Variants in PCDH12 observed in about 807,000 individuals in gnomAD.
PCDH12 encodes the protein protocadherin-12.
PCDH12 carries 45 observed loss-of-function variants against 70.9 expected under a neutral mutation model. The observed-to-expected ratio is 0.63, with a 90% CI of 0.50 to 0.81. The LOEUF (loss-of-function observed/expected upper bound fraction) is 0.81. Among genes scored for constraint, PCDH12 ranks in the 40% least tolerant of loss-of-function variants. The pLI, the probability that PCDH12 is intolerant of heterozygous loss-of-function variation, is 0.00. For synonymous variants in PCDH12, 567 were observed against 626.0 expected (o/e 0.91, Z 1.41); for missense variants, 1,370 against 1,491.7 (o/e 0.92, Z 1.34).
rs756692974 is a variant in PCDH12, at chr5:141,955,743, C to T, written c.2109G>A (p.Arg703=). Residue 703 remains arginine, a synonymous_variant, in exon 1 of 4, where the codon AGG becomes AGA. Transcript: ENST00000231484. The surrounding 1 kb of genome is among the most constrained non-coding windows in gnomAD (Gnocchi z 5.5). ...VMFVTSVDHL[R]DSARKPGALS... is the part of the protein sequence containing the mutation. ...AGGCCCCAGGCTTGCGGGCTGAGTC[C>T]CTCAGGTGGTCCACACTGGTGACAA... is the stretch of plus-strand genomic sequence containing the variant. The T allele has an allele frequency of 4.3e-6, 7 of 1,614,086 alleles. No individual in the cohort carries two copies. The highest frequency in any genetic ancestry group is 1.1e-5 in the South Asian group (1 of 91,054).
rs370982872 is a variant in PCDH12 at position 141,957,189 on chromosome 5, G to T, written c.663C>A (p.Asn221Lys). 6.2e-7 allele frequency: 1 copy of T among 1,614,160 alleles called. No homozygotes were observed. Among genetic ancestry groups the T allele is most frequent in the East Asian group, 2.2e-5 (1 of 44,874 alleles). The change falls in exon 1 of 4, where the codon AAC becomes AAA. Residue 221 changes from asparagine to lysine, a missense_variant. Asn to Lys is a moderately conservative substitution (Grantham distance 94). Coordinates refer to ENST00000231484, the MANE Select transcript of PCDH12 (RefSeq NM_016580.4). This position sits in a 1 kb window ranked among gnomAD's most constrained non-coding sequence, Gnocchi z 4.3. ...CCAAGCTGGTACCTGACTTGGGGGG[G>T]TTCCCATTGTCATAGGCAGTTAACA... ...DLVLTAYDNG[N>K]PPKSGTSLVK... is the part of the protein sequence containing the mutation.
rs1053311294 is a variant in PCDH12 at position 141,945,142 on chromosome 5, A to C, written c.*239T>G. The C allele has an allele frequency of 7.1e-6, 4 of 567,076 alleles. No individual in the cohort carries two copies. The Admixed American group carries it at 9.8e-5, about 14-fold the overall frequency. 35.1% of individuals were successfully genotyped at this position (567,076 alleles called of 1,614,324 possible). On this transcript the variant is annotated 3_prime_UTR_variant, in exon 4 of 4. Transcript: ENST00000231484. ...CTCCACATATGTTTTGCCAGGAAAC[A>C]CTTATCTCAGCCACAAACCGTCCCT...
chr5:141,951,645 CT>C, intron 1 of PCDH12, 55 bp from the exon 2 acceptor site: 1 of 1,274,052 alleles, frequency 7.8e-7, no homozygotes, highest in Non-Finnish European at 1.1e-6. Flanking sequence ...AGCACACTTC[CT>C]CGCCGGATGT....
chr5:141,956,581 G>T lies in PCDH12; in HGVS notation c.1271C>A (p.Pro424His), dbSNP rs944750921. 1.3e-5 allele frequency: 21 copies of T among 1,614,014 alleles called. No individual in the cohort carries two copies. Among genetic ancestry groups the T allele is most frequent in the Non-Finnish European group, 1.4e-5 (17 of 1,180,030 alleles). The part of the protein sequence containing the change: ...TNATLDREQW[P>H]KYTLTLLAQD... ...GGCTAACAGAGTGAGGGTATATTTG[G>T]GCCACTGCTCTCTGTCCAGTGTGGC... Residue 424 changes from proline to histidine, a missense_variant, in exon 1 of 4, where the codon CCC becomes CAC. Pro to His is a moderately conservative substitution (Grantham distance 77, BLOSUM62 -2). Coordinates refer to ENST00000231484, the MANE Select transcript of PCDH12 (RefSeq NM_016580.4).
Position 141,957,681 on chromosome 5 carries a change from C to A in PCDH12, c.171G>T (p.Glu57Asp). 6.2e-7 allele frequency: 1 copy of A among 1,614,214 alleles called. No individual in the cohort carries two copies. The highest frequency in any genetic ancestry group is 8.5e-7 in the Non-Finnish European group (1 of 1,180,036). The change falls in exon 1 of 4, where the codon GAG (glutamate) becomes GAT (aspartate). Residue 57 changes from glutamate (E) to aspartate (D), a missense_variant. Glu to Asp is a conservative substitution (Grantham distance 45). Coordinates refer to ENST00000231484, the MANE Select transcript of PCDH12 (RefSeq NM_016580.4). The surrounding 1 kb of genome is among the most constrained non-coding windows in gnomAD (Gnocchi z 4.3). Reference protein sequence around the residue: ...GKLSQELGREERRRQAGAAFQ... With the variant: ...GKLSQELGREDRRRQAGAAFQ... Reference sequence around the variant, plus strand: ...AGGCAGCCCCAGCTTGCCTCCGCCTCTCCTCCCGGCCCAGTTCCTGGGACA... The same window carrying A: ...AGGCAGCCCCAGCTTGCCTCCGCCTATCCTCCCGGCCCAGTTCCTGGGACA...
rs565683673 is a variant in PCDH12 at position 141,957,783 on chromosome 5, A to G, written c.69T>C (p.Asp23=). ...CCGTGAGAGTGGTCACCTCCTGACA[A>G]TCCCCTAAAAGAAATAAGTAGCCAC... ...GPGGYLFLLG[D]CQEVTTLTVK... Residue 23 remains aspartate, a synonymous_variant, in exon 1 of 4, where the codon GAT becomes GAC. Transcript: ENST00000231484. The surrounding 1 kb of genome is among the most constrained non-coding windows in gnomAD (Gnocchi z 4.3). The G allele has an allele frequency of 5.0e-6, 8 of 1,608,130 alleles. No homozygotes were observed. The East Asian group carries it at 1.6e-4, about 31-fold the overall frequency.
At position 141,955,363 on chromosome 5, in the gene PCDH12, C is replaced by T. The variant is rs754901453; in HGVS notation, c.2489G>A (p.Gly830Asp). ...PTLYRTLRNQ[G>D]NQGAPAESRE... ...GCTCTCCGCCGGTGCTCCCTGGTTGCCTTGATTACGCAGCGTCCTGTACAG... is the reference window on the plus strand; with the variant it reads ...GCTCTCCGCCGGTGCTCCCTGGTTGTCTTGATTACGCAGCGTCCTGTACAG... The change falls in exon 1 of 4, where the codon GGC becomes GAC. Residue 830 changes from glycine to aspartate, a missense_variant. Transcript: ENST00000231484. The surrounding 1 kb of genome is among the most constrained non-coding windows in gnomAD (Gnocchi z 5.5). 1.9e-5 allele frequency: 30 copies of T among 1,613,954 alleles called. No individual in the cohort carries two copies. Among genetic ancestry groups the T allele is most frequent in the Non-Finnish European group, 2.2e-5 (26 of 1,180,012 alleles).
In PCDH12 at chr5:141,945,559, C is replaced by G; in HGVS notation, c.3377G>C (p.Ser1126Thr). The change falls in exon 4 of 4, where the codon AGC becomes ACC. Residue 1126 changes from serine to threonine, a missense_variant. By Grantham distance (58) the Ser-to-Thr change is moderately conservative (BLOSUM62 1). Transcript: ENST00000231484. ...CTCGGAGGCGGCCTCCACGGGCATG[C>G]TGGAGCGCTGTTCCAGCAGCATCTC... Reference protein sequence around the residue: ...LLEMLLEQRSSMPVEAASEAL... With the variant: ...LLEMLLEQRSTMPVEAASEAL... 1 of 1,613,972 alleles carries G rather than the reference C, an allele frequency of 6.2e-7. No individual in the cohort carries two copies. Among genetic ancestry groups the G allele is most frequent in the Non-Finnish European group, 8.5e-7 (1 of 1,180,010 alleles).
rs756386790 is a variant in PCDH12 at position 141,955,234 on chromosome 5, C to T, written c.2618G>A (p.Gly873Asp). 6.2e-7 allele frequency: 1 copy of T among 1,614,194 alleles called. No homozygotes were observed. Residue 873 changes from glycine (G) to aspartate (D), a missense_variant, in exon 1 of 4, where the codon GGC (glycine) becomes GAC (aspartate). Gly to Asp is a moderately conservative substitution (Grantham distance 94). Transcript: ENST00000231484. This position sits in a 1 kb window ranked among gnomAD's most constrained non-coding sequence, Gnocchi z 5.5. ...CTTCAGAGGCCTGGAACGTGGCTGG[C>T]CTGTGGCAGGCTGGGGCTCGGGAAG... The part of the protein sequence containing the change: ...LNLPEPQPAT[G>D]QPRSRPLKVA...
chr5:141,957,903 T>C lies in PCDH12; in HGVS notation c.-52A>G, dbSNP rs746983639. On this transcript the variant is annotated 5_prime_UTR_variant, in exon 1 of 4. Transcript: ENST00000231484. This position sits in a 1 kb window ranked among gnomAD's most constrained non-coding sequence, Gnocchi z 4.3. ...GAAACCACTAGAGTTCTTTCAAGGC[T>C]GGACAAGTCCTCCAGTGTTTCCTGG... 5.8e-6 allele frequency: 9 copies of C among 1,554,610 alleles called. No individual in the cohort carries two copies. Among genetic ancestry groups the C allele is most frequent in the Non-Finnish European group, 7.8e-6 (9 of 1,156,130 alleles).
intron 3 of PCDH12, 45 bp downstream of exon 3, chr5:141,949,387 C>T (rs745825246): frequency 1.3e-6 from 2 of 1,577,204 alleles, no homozygotes; most frequent in Non-Finnish European, 8.6e-7. Context: ...AGCTTGGACA[C>T]CATGGGGCAG....
chr5:141,947,737 G>A lies in PCDH12; in HGVS notation c.3130+1695C>T, dbSNP rs1411291337. On this transcript the variant is annotated intron_variant, in intron 3 of 3. Transcript: ENST00000231484. ...TTCTCAAGTGGGGCAATCTGAATCC[G>A]AAGCAGCAAATCTGAAGCAATCTGA... 3.9e-5 allele frequency among the ~76,000 whole-genome samples: 6 copies of A among 152,200 alleles called. No homozygotes were observed. The East Asian group carries it at 1.2e-3, about 29-fold the overall frequency.
intron 3 of PCDH12, among the ~76,000 whole-genome samples, chr5:141,947,144 T>C (rs1752956369): frequency 6.6e-6 from 1 of 152,258 alleles, no homozygotes; most frequent in African/African-American, 2.4e-5. Flanking sequence ...TAGTCATTTA[T>C]TGTACTGATA....
In PCDH12 at chr5:141,956,435, T is replaced by G; in HGVS notation, c.1417A>C (p.Asn473His). The change falls in exon 1 of 4, where the codon AAC becomes CAC. Residue 473 changes from asparagine to histidine, a missense_variant. Transcript: ENST00000231484. ...SRYEVSTRENNLPSLHLITIK... is the reference protein window; with the variant it reads ...SRYEVSTRENHLPSLHLITIK... ...GTAATGAGGTGAAGAGAGGGTAAGT[T>G]GTTTTCCCGCGTGGAGACTTCATAC... 1.9e-6 allele frequency: 3 copies of G among 1,614,208 alleles called. No homozygotes were observed. The highest frequency in any genetic ancestry group is 2.5e-6 in the Non-Finnish European group (3 of 1,180,046).
chr5:141,949,996 C>T (rs535046576), intron 2 of PCDH12, among the ~76,000 whole-genome samples: 8 of 152,324 alleles, frequency 5.3e-5, no homozygotes, highest in South Asian at 2.1e-4. Context: ...GCCGTCCATC[C>T]GTCCGTAGGA....
At position 141,957,728 on chromosome 5, in the gene PCDH12, A is replaced by T; in HGVS notation, c.124T>A (p.Ser42Thr). Residue 42 changes from serine (S) to threonine (T), a missense_variant, in exon 1 of 4, where the codon TCT becomes ACT. Transcript: ENST00000231484. This position sits in a 1 kb window ranked among gnomAD's most constrained non-coding sequence, Gnocchi z 4.3. ...GACAGCTTCCCGATCACTGTACCAG[A>T]TGGCACTTCCTCTGACACTTGGTAT... ...VKYQVSEEVP[S>T]GTVIGKLSQE... The T allele has an allele frequency of 6.2e-7, 1 of 1,613,990 alleles. No individual in the cohort carries two copies. Among genetic ancestry groups the T allele is most frequent in the South Asian group, 1.1e-5 (1 of 91,088 alleles).
chr5:141,954,126 A>G (rs2126925524), intron 1 of PCDH12, among the ~76,000 whole-genome samples: 1 of 149,912 alleles, frequency 6.7e-6, no homozygotes, highest in East Asian at 2.0e-4. Flanking sequence ...GATGAGGAAA[A>G]TGAGGCTCAG....
Position 141,945,083 on chromosome 5 carries a change from G to A in PCDH12, c.*298C>T. On this transcript the variant is annotated 3_prime_UTR_variant, in exon 4 of 4. Coordinates refer to ENST00000231484, the MANE Select transcript of PCDH12 (RefSeq NM_016580.4). ...CCCTTTCCTGCCTGTGATACTCCGT[G>A]GCATCTGTTCTGCCAGAGGACTGAC... 1 of 391,252 alleles carries A rather than the reference G, an allele frequency of 2.6e-6. No individual in the cohort carries two copies. Among genetic ancestry groups the A allele is most frequent in the Non-Finnish European group, 4.6e-6 (1 of 217,992 alleles). 24.2% of individuals were successfully genotyped at this position (391,252 alleles called of 1,614,324 possible).
At chr5:141,945,888 G>C in intron 3 of PCDH12, 83 bp from the exon 4 acceptor site, 1 of 1,281,756 alleles carries the variant, frequency 7.8e-7, no homozygotes, top group Non-Finnish European at 1.1e-6. Context: ...AGCAGGGCAA[G>C]GGCAGTGGAC....
Sources: gnomAD v4.1 joint callset for allele counts (sites outside exome capture counted in the v4.1 genomes callset) on GRCh38, gnomAD v4.1.1 for gene constraint, Gnocchi (gnomAD v3.1) non-coding constraint, MANE v1.5 for transcripts, NCBI Gene and HGNC (gene_info 2026-07-23, HGNC 2026-07-21) for gene names.